BRD8: variants seen among roughly 807,000 people sequenced by gnomAD.
The protein encoded by BRD8 is bromodomain-containing protein 8.
In BRD8, 67 loss-of-function variants were observed where a neutral mutation model predicts 143.1. That is an observed-to-expected ratio of 0.47 (90% CI 0.38 to 0.57). The LOEUF (loss-of-function observed/expected upper bound fraction) is 0.57, where lower values mean the gene tolerates loss of function less well. Among genes scored for constraint, BRD8 ranks in the 20% least tolerant of loss-of-function variants. The pLI is 0.00. For missense variants in BRD8, 1,103 were observed against 1,503.0 expected, an observed-to-expected ratio of 0.73 and a Z score of 4.40; for synonymous variants, 505 against 517.1, an observed-to-expected ratio of 0.98 and a Z score of 0.32.
intron 13 of BRD8, 28 bp downstream of exon 13, chr5:138,164,292 C>G (rs1340461477): frequency 6.2e-7 from 1 of 1,608,576 alleles, no homozygotes; most frequent in African/African-American, 1.3e-5. Context: ...CAAATGATTT[C>G]AAGTCAGTGA....
chr5:138,166,374 A>T, intron 10 of BRD8, 144 bp downstream of exon 10: 1 of 638,414 alleles, frequency 1.6e-6, no homozygotes, highest in Non-Finnish European at 2.7e-6. Flanking sequence ...ATTTCTAAGG[A>T]TATTTATTTC....
chr5:138,145,588 C>G (rs1179360891), intron 24 of BRD8, among the ~76,000 whole-genome samples: 2 of 152,168 alleles, frequency 1.3e-5, no homozygotes, highest in Non-Finnish European at 2.9e-5. Context: ...AGAGGCAACT[C>G]AAATGGCACA....
Position 138,168,706 on chromosome 5 carries a change from A to G in BRD8, c.642+516T>C, listed in dbSNP as rs1262095427. ...GGGGTTACCTAAGAGACAACAGAGA[A>G]CCTTTATCTGACTTCTCAAACTATG... is the stretch of plus-strand genomic sequence containing the variant. On this transcript the variant is annotated intron_variant, in intron 8 of 26. Coordinates refer to ENST00000254900, the MANE Select transcript of BRD8 (RefSeq NM_139199.2). 7.7e-6 allele frequency: 10 copies of G among 1,295,360 alleles called. No individual in the cohort carries two copies. In the Admixed American group the frequency reaches 1.8e-4, roughly 24 times the overall value. The allele number at this position is 1,295,360 out of a possible 1,614,324, so 80.2% of individuals were successfully genotyped here.
chr5:138,143,661 C>T (rs975820199), intron 25 of BRD8, among the ~76,000 whole-genome samples: 25 of 80,038 alleles, frequency 3.1e-4, no homozygotes, highest in African/African-American at 6.7e-4. Flanking sequence ...TCTGTAAAAA[C>T]GCACCAATCA....
In BRD8 at chr5:138,171,415, T is replaced by TAAAAAAAAAAA; in HGVS notation, c.187-16_187-6dup. The stretch of plus-strand genomic sequence containing the variant: ...CGAGTACTGGGAAGCACAATGCTAT[T>TAAAAAAAAAAA]AAAAAAAAAAAAAAAAGTGAAAATG... On this transcript the variant is annotated splice_polypyrimidine_tract_variant and splice_region_variant and intron_variant, in intron 3 of 26. Coordinates refer to ENST00000254900, the MANE Select transcript of BRD8 (RefSeq NM_139199.2). The TAAAAAAAAAAA allele has an allele frequency of 1.5e-6, 2 of 1,346,186 alleles. No individual in the cohort carries two copies. The highest frequency in any genetic ancestry group is 2.0e-6 in the Non-Finnish European group (2 of 982,974). 83.4% of individuals were successfully genotyped at this position (1,346,186 alleles called of 1,614,324 possible).
At chr5:138,144,616 G>A (rs746215330) in intron 25 of BRD8, among the ~76,000 whole-genome samples, 5 of 152,086 alleles carry the variant, frequency 3.3e-5, no homozygotes, top group Admixed American at 6.6e-5. Context: ...TATAATTAAT[G>A]ATCAGGCTGG....
intron 16 of BRD8, 87 bp downstream of exon 16, chr5:138,161,967 C>A: frequency 1.3e-6 from 2 of 1,557,194 alleles, no homozygotes; most frequent in Non-Finnish European, 1.8e-6. Flanking sequence ...ACCAGCAGTT[C>A]CACAGAAGCC....
At chr5:138,177,426 G>A (rs1244878294) in intron 2 of BRD8, 145 bp downstream of exon 2, 6 of 541,720 alleles carry the variant, frequency 1.1e-5, no homozygotes, top group Non-Finnish European at 2.0e-5. Flanking sequence ...CTGGGCAACA[G>A]AAGGAGACTC....
intron 2 of BRD8, chr5:138,177,313 T>G (rs1754426126): frequency 3.9e-6 from 1 of 256,262 alleles, no homozygotes; most frequent in African/African-American, 2.3e-5. Context: ...GGGGATCACC[T>G]GAGGTCAGGA....
intron 12 of BRD8, 55 bp from the exon 13 acceptor site, chr5:138,164,468 C>T (rs368359008): frequency 9.0e-5 from 137 of 1,522,794 alleles, no homozygotes; most frequent in Non-Finnish European, 1.1e-4. Flanking sequence ...CTATAGCTCA[C>T]ACAACTTTAT....
intron 1 of BRD8, 23 bp from the exon 2 acceptor site, chr5:138,177,690 A>AG: frequency 6.7e-7 from 1 of 1,488,420 alleles, no homozygotes; most frequent in Non-Finnish European, 9.2e-7. Flanking sequence ...GAAAAAAAAA[A>AG]AAGCCTTGGA....
chr5:138,177,721 T>A lies in BRD8; in HGVS notation c.20-54A>T, dbSNP rs1235200325. 9 of 1,085,754 alleles carry A rather than the reference T, an allele frequency of 8.3e-6. No individual in the cohort carries two copies. In the East Asian group the frequency reaches 1.2e-4, roughly 14 times the overall value. The allele number at this position is 1,085,754 out of a possible 1,614,324, so 67.3% of individuals were successfully genotyped here. A position where few individuals can be genotyped will look rare whatever the true frequency, so the allele number is the denominator to read the frequency against. ...TTGGAAACAACCACTGAGACTGTAG[T>A]GCTAAGCTCCAAAATCCCCAAAAAG... On this transcript the variant is annotated intron_variant, in intron 1 of 26. Transcript: ENST00000254900.
intron 20 of BRD8, among the ~76,000 whole-genome samples, chr5:138,158,944 TTTG>T (rs931984497): frequency 2.0e-4 from 31 of 151,762 alleles, no homozygotes; most frequent in African/African-American, 5.1e-4. Context: ...AGTAGGGTTT[TTTG>T]TTGTTGTTGC....
chr5:138,165,277 T>G (rs1351425689), intron 11 of BRD8, 111 bp from the exon 12 acceptor site: 1 of 1,195,976 alleles, frequency 8.4e-7, no homozygotes, highest in African/African-American at 1.5e-5. Flanking sequence ...GCTCCATTTT[T>G]TCCATGTAGT....
At position 138,170,418 on chromosome 5, in the gene BRD8, G is replaced by A. The variant is rs758077388; in HGVS notation, c.441-9C>T. On this transcript the variant is annotated splice_polypyrimidine_tract_variant and intron_variant, in intron 6 of 26. Coordinates refer to ENST00000254900, the MANE Select transcript of BRD8 (RefSeq NM_139199.2). ...CTTCCAATTTCTTTTTCCTAAACAGGGAATTAAGGGTTAGATGCTAGACAG... is the reference window on the plus strand; with the variant it reads ...CTTCCAATTTCTTTTTCCTAAACAGAGAATTAAGGGTTAGATGCTAGACAG... The A allele has an allele frequency of 2.5e-6, 4 of 1,613,862 alleles. No individual in the cohort carries two copies. In the East Asian group the frequency reaches 6.7e-5, roughly 27 times the overall value.
intron 21 of BRD8, among the ~76,000 whole-genome samples, 158 bp from the exon 22 acceptor site, chr5:138,151,166 A>G (rs1752354942): frequency 1.3e-5 from 2 of 152,354 alleles, no homozygotes; most frequent in Admixed American, 1.3e-4. Flanking sequence ...AAAATATCTT[A>G]TATACACAGG....
chr5:138,165,587 G>A (rs967287302), intron 11 of BRD8, among the ~76,000 whole-genome samples: 7 of 152,086 alleles, frequency 4.6e-5, no homozygotes, highest in African/African-American at 1.4e-4. Flanking sequence ...TTAGTGAGGC[G>A]TGGTGGCATG....
intron 3 of BRD8, 64 bp downstream of exon 3, chr5:138,172,001 C>G (rs1205176921): frequency 1.6e-6 from 2 of 1,226,408 alleles, no homozygotes; most frequent in Non-Finnish European, 2.4e-6. Flanking sequence ...AAGTCAGGGC[C>G]TGGTAGAGAA....
chr5:138,167,958 C>T lies in BRD8; in HGVS notation c.763G>A (p.Val255Ile). The change falls in exon 9 of 27, where the codon GTT becomes ATT. Residue 255 changes from valine (V) to isoleucine (I), a missense_variant. Transcript: ENST00000254900. ...GGEIQQTPNT[V>I]AASPAASGAP... ...CCTGATGCAGCAGGGGAGGCTGCAA[C>T]AGTATTGGGTGTTTGCTGTATCTCC... The T allele has an allele frequency of 1.2e-6, 2 of 1,613,858 alleles. No individual in the cohort carries two copies. The highest frequency in any genetic ancestry group is 1.7e-6 in the Non-Finnish European group (2 of 1,179,766).
Sources: allele counts gnomAD v4.1 joint callset (sites outside exome capture counted in the v4.1 genomes callset), GRCh38; gene constraint gnomAD v4.1.1; transcripts MANE v1.5; gene names NCBI Gene and HGNC (gene_info 2026-07-23, HGNC 2026-07-21).